PEAK1: variants seen among roughly 807,000 people sequenced by gnomAD.
PEAK1 encodes inactive tyrosine-protein kinase PEAK1.
PEAK1 carries 54 observed loss-of-function variants against 124.7 expected under a neutral mutation model. The ratio of observed to expected loss-of-function variants is 0.43; its 90% CI spans 0.35 to 0.54. PEAK1 has a LOEUF of 0.54. Among genes scored for constraint, PEAK1 ranks in the 20% least tolerant of loss-of-function variants. The pLI, the probability that PEAK1 is intolerant of heterozygous loss-of-function variation, is 0.01. For synonymous variants in PEAK1, 719 were observed against 760.0 expected, an observed-to-expected ratio of 0.95 and a Z score of 0.89; for missense variants, 2,046 against 2,134.5, an observed-to-expected ratio of 0.96 and a Z score of 0.82.
intron 1 of PEAK1, among the ~76,000 whole-genome samples, chr15:77,388,092 C>T (rs947590631): frequency 6.6e-6 from 1 of 152,014 alleles, no homozygotes; most frequent in Non-Finnish European, 1.5e-5. Flanking sequence ...ACTTGTGGGG[C>T]TTGAGGCAGG....
rs147944142 is a variant in PEAK1, at chr15:77,143,700, T to C, written c.3332-9950A>G. Among the ~76,000 whole-genome samples the C allele has an allele frequency of 2.2e-3, 341 of 152,270 alleles. 1 individual carries two copies. The highest frequency in any genetic ancestry group is 7.9e-3 in the African/African-American group (327 of 41,568). On this transcript the variant is annotated intron_variant, in intron 8 of 9. Coordinates refer to ENST00000682557, the MANE Select transcript of PEAK1 (RefSeq NM_001385026.1). Reference sequence around the variant, plus strand: ...TTAAATATTCTGCTTCTAGGGAATATTTCTTACTCCACTCCCCAGAATTGA... The same window carrying C: ...TTAAATATTCTGCTTCTAGGGAATACTTCTTACTCCACTCCCCAGAATTGA...
intron 2 of PEAK1, among the ~76,000 whole-genome samples, chr15:77,310,421 C>T (rs554219118): frequency 6.6e-6 from 1 of 152,124 alleles, no homozygotes; most frequent in East Asian, 1.9e-4. Context: ...TATCAAAGCA[C>T]AAAAAATAAA....
In PEAK1 at chr15:77,181,468, TA is replaced by T. The variant is rs1217679008; in HGVS notation, c.458del (p.Leu153Ter). 1 of 1,614,242 alleles carries T rather than the reference TA, an allele frequency of 6.2e-7. No individual in the cohort carries two copies. Among genetic ancestry groups the T allele is most frequent in the Non-Finnish European group, 8.5e-7 (1 of 1,180,042 alleles). ...CAGTATCCAAGCCTGCTATCTCCTT[TA>T]ACACTTCAGTTAGTCCATTATTGTT... ...SDNNNGLTEV[L>X]KEIAGLDTAP... On this transcript the variant is annotated frameshift_variant, in exon 7 of 10. Transcript: ENST00000682557. LOFTEE classifies it high-confidence loss of function.
At chr15:77,201,232 C>CTTTTT (rs11363810) in intron 6 of PEAK1, among the ~76,000 whole-genome samples, 23 of 77,232 alleles carry the variant, frequency 3.0e-4, no homozygotes, top group South Asian at 7.4e-4. Flanking sequence ...GCCTTTGTGT[C>CTTTTT]TTTTTTTTTT....
chr15:77,309,167 T>G (rs958413107), intron 2 of PEAK1, among the ~76,000 whole-genome samples: 1 of 152,234 alleles, frequency 6.6e-6, no homozygotes, highest in East Asian at 1.9e-4. Context: ...TTTGTGCCAT[T>G]ACCAAAGATG....
chr15:77,133,665 T>C lies in PEAK1; in HGVS notation c.3417A>G (p.Lys1139=), dbSNP rs1223829052. ...AAGCATTGGGTGCTTCTTGGTCTGT[T>C]TTCCCTCCAAAGGCGATGGCATCGT... ...AVDDAIAFGG[K]TDQEAPNASQ... is the part of the protein sequence containing the mutation. The change falls in exon 9 of 10, where the codon AAA becomes AAG. Residue 1139 remains lysine (K), a synonymous_variant. Transcript: ENST00000682557. The surrounding 1 kb of genome is among the most constrained non-coding windows in gnomAD (Gnocchi z 4.2). The C allele has an allele frequency of 1.2e-6, 2 of 1,614,018 alleles. No individual in the cohort carries two copies. Among genetic ancestry groups the C allele is most frequent in the Non-Finnish European group, 1.7e-6 (2 of 1,180,006 alleles).
chr15:77,116,790 C>T lies in PEAK1; in HGVS notation c.4078-1471G>A, dbSNP rs545572377. Among the ~76,000 whole-genome samples, 19 of 152,186 alleles carry T rather than the reference C, an allele frequency of 1.2e-4. No homozygotes were observed. The South Asian group carries it at 2.5e-3, about 20-fold the overall frequency. On this transcript the variant is annotated intron_variant, in intron 9 of 9. Coordinates refer to ENST00000682557, the MANE Select transcript of PEAK1 (RefSeq NM_001385026.1). ...CAAGTTCCTTCAAGTCTTCTACTAC[C>T]TATCTAATTCAGTTTGAGGATATAC... is the stretch of plus-strand genomic sequence containing the variant.
At chr15:77,188,163 C>T (rs571307142) in intron 6 of PEAK1, among the ~76,000 whole-genome samples, 2 of 152,254 alleles carry the variant, frequency 1.3e-5, no homozygotes, top group South Asian at 4.1e-4. Flanking sequence ...ATTATCATTC[C>T]TTGCTATCAC....
chr15:77,238,036 T>C (rs981908317), intron 6 of PEAK1, among the ~76,000 whole-genome samples: 1 of 152,186 alleles, frequency 6.6e-6, no homozygotes, highest in Non-Finnish European at 1.5e-5. Flanking sequence ...TTATAGCTTC[T>C]GTATTTTCTT....
chr15:77,143,410 T>C (rs909918702), intron 8 of PEAK1, among the ~76,000 whole-genome samples: 2 of 152,126 alleles, frequency 1.3e-5, no homozygotes, highest in Non-Finnish European at 1.5e-5. Context: ...AGAGATGTTT[T>C]TCAAACGCCA....
chr15:77,408,749 G>T (rs759748625), intron 1 of PEAK1, among the ~76,000 whole-genome samples: 3 of 152,082 alleles, frequency 2.0e-5, no homozygotes, highest in African/African-American at 7.2e-5. Context: ...TTCAGCATTT[G>T]AAATATTCAA....
intron 2 of PEAK1, chr15:77,335,151 G>A (rs1273914928): frequency 5.1e-6 from 5 of 985,456 alleles, no homozygotes; most frequent in Non-Finnish European, 6.0e-6. Context: ...TTTAAACACT[G>A]TGCTTTGTAG....
intron 6 of PEAK1, among the ~76,000 whole-genome samples, chr15:77,213,822 C>T (rs982837564): frequency 6.6e-6 from 1 of 152,070 alleles, no homozygotes; most frequent in Non-Finnish European, 1.5e-5. Context: ...TTTAAGTGTA[C>T]AGTTTGATAA....
chr15:77,359,718 G>C (rs1204627637), intron 2 of PEAK1, among the ~76,000 whole-genome samples: 1 of 151,920 alleles, frequency 6.6e-6, no homozygotes, highest in Non-Finnish European at 1.5e-5. Flanking sequence ...AAAGTACTTA[G>C]GAATAAATTT....
chr15:77,383,930 AAC>A (rs2069699981), intron 1 of PEAK1, among the ~76,000 whole-genome samples: 1 of 152,184 alleles, frequency 6.6e-6, no homozygotes, highest in Non-Finnish European at 1.5e-5. Context: ...CGTTCATGGA[AAC>A]ATACTTAGGA....
chr15:77,402,638 G>A (rs2071470025), intron 1 of PEAK1: 1 of 985,114 alleles, frequency 1.0e-6, no homozygotes, highest in Non-Finnish European at 1.2e-6. Context: ...AATGAAAACA[G>A]AAAACTGTGC....
At chr15:77,311,931 A>T (rs574463263) in intron 2 of PEAK1, among the ~76,000 whole-genome samples, 1 of 152,288 alleles carries the variant, frequency 6.6e-6, no homozygotes, top group South Asian at 2.1e-4. Context: ...AAGATTTTAA[A>T]GTGCCTTTAG....
intron 1 of PEAK1, among the ~76,000 whole-genome samples, chr15:77,371,932 A>G (rs1471669316): frequency 2.0e-5 from 3 of 152,244 alleles, no homozygotes; most frequent in African/African-American, 4.8e-5. Flanking sequence ...TCACTTATTC[A>G]TCTTTGTATT....
At chr15:77,163,200 T>C (rs1480475901) in intron 7 of PEAK1, among the ~76,000 whole-genome samples, 2 of 152,240 alleles carry the variant, frequency 1.3e-5, no homozygotes, top group Non-Finnish European at 2.9e-5. Flanking sequence ...TGACTATAAA[T>C]TCTTCAACCA....
Sources: gnomAD v4.1 joint callset for allele counts (sites outside exome capture counted in the v4.1 genomes callset) on GRCh38, gnomAD v4.1.1 for gene constraint, Gnocchi (gnomAD v3.1) non-coding constraint, MANE v1.5 for transcripts, NCBI Gene and HGNC (gene_info 2026-07-23, HGNC 2026-07-21) for gene names.